The following WASHC4 variants were observed in gnomAD, a reference collection of about 807,000 sequenced individuals.
WASHC4 encodes WASH complex subunit 4, also known as WASH complex subunit 7.
Under a neutral mutation model 166.6 loss-of-function variants are expected in WASHC4, and 86 were observed. The observed-to-expected ratio is 0.52, with a 90% confidence interval of 0.43 to 0.62. WASHC4 has a LOEUF of 0.62. Ranked by LOEUF, WASHC4 falls within the 20% of genes least tolerant of loss-of-function variation. The probability of loss-of-function intolerance (pLI) is 0.00; values close to 1 mark genes in which losing one functional copy is unlikely to be tolerated. For synonymous variants in WASHC4, 446 were observed against 451.6 expected (o/e 0.99, Z 0.16); for missense variants, 1,262 against 1,382.4 (o/e 0.91, Z 1.38).
intron 13 of WASHC4, among the ~76,000 whole-genome samples, chr12:105,133,225 A>G (rs920114527): frequency 5.9e-5 from 9 of 151,882 alleles, no homozygotes; most frequent in African/African-American, 2.2e-4. Context: ...TTTTGTTATT[A>G]CCTGAACAAG....
chr12:105,123,730 A>G (rs981480906), intron 10 of WASHC4, among the ~76,000 whole-genome samples: 6 of 152,258 alleles, frequency 3.9e-5, no homozygotes, highest in Non-Finnish European at 8.8e-5. Context: ...TCTGGCTAAA[A>G]TCACTGATAG....
intron 25 of WASHC4, among the ~76,000 whole-genome samples, chr12:105,150,984 G>A (rs1476022447): frequency 1.3e-5 from 2 of 151,562 alleles, no homozygotes; most frequent in Non-Finnish European, 2.9e-5. Context: ...GGACATGTGG[G>A]GATTATGGGA....
intron 17 of WASHC4, 51 bp from the exon 18 acceptor site, chr12:105,141,116 C>G: frequency 1.9e-6 from 3 of 1,609,366 alleles, no homozygotes; most frequent in Non-Finnish European, 2.6e-6. Flanking sequence ...GTTACTGACC[C>G]TAGAAACCTT....
chr12:105,156,013 G>T (rs1315685574), intron 26 of WASHC4, among the ~76,000 whole-genome samples: 3 of 152,198 alleles, frequency 2.0e-5, no homozygotes, highest in African/African-American at 7.2e-5. Context: ...TGATGGATTG[G>T]ATAGGAGGAT....
chr12:105,151,577 G>A (rs1883780984), intron 25 of WASHC4, among the ~76,000 whole-genome samples: 1 of 151,988 alleles, frequency 6.6e-6, no homozygotes, highest in Non-Finnish European at 1.5e-5. Context: ...CGCCTCTTGG[G>A]TTCAAGCGAT....
intron 13 of WASHC4, among the ~76,000 whole-genome samples, chr12:105,132,694 C>T (rs1374499037): frequency 3.3e-5 from 5 of 151,988 alleles, no homozygotes; most frequent in African/African-American, 9.7e-5. Context: ...TATGATCTTG[C>T]TGCCTACTTA....
At chr12:105,117,771 T>C (rs1483798027) in intron 6 of WASHC4, among the ~76,000 whole-genome samples, 1 of 152,224 alleles carries the variant, frequency 6.6e-6, no homozygotes, top group Non-Finnish European at 1.5e-5. Flanking sequence ...ATAGTTTTAA[T>C]TAGGTTTTAA....
At chr12:105,161,140 T>C (rs913271586) in intron 29 of WASHC4, among the ~76,000 whole-genome samples, 5 of 152,170 alleles carry the variant, frequency 3.3e-5, no homozygotes, top group African/African-American at 9.7e-5. Flanking sequence ...AAGCTCTTTA[T>C]TATATTTAAT....
chr12:105,141,979 G>C (rs1882895314), intron 18 of WASHC4, among the ~76,000 whole-genome samples: 1 of 139,900 alleles, frequency 7.1e-6, no homozygotes, highest in African/African-American at 2.9e-5. Context: ...TTGTAGACAT[G>C]TTAAGTGTGG....
intron 15 of WASHC4, among the ~76,000 whole-genome samples, chr12:105,139,425 G>GTGTGTGTATATATATATATATATATATA: frequency 1.9e-5 from 2 of 103,222 alleles, no homozygotes; most frequent in African/African-American, 7.1e-5. Flanking sequence ...ATGTGTGTGT[G>GTGTGTGTATATATATATATATATATATA]TATATATATA....
chr12:105,114,511 A>G (rs948286547), intron 4 of WASHC4, 84 bp downstream of exon 4: 1 of 878,096 alleles, frequency 1.1e-6, no homozygotes, highest in Non-Finnish European at 1.8e-6. Flanking sequence ...GTGTGCAATA[A>G]ATATTTATTG....
intron 24 of WASHC4, 35 bp downstream of exon 24, chr12:105,147,181 A>T (rs769781410): frequency 8.5e-7 from 1 of 1,176,678 alleles, no homozygotes; most frequent in South Asian, 1.2e-5. Flanking sequence ...AGTGGGTAAT[A>T]GACCCGTTTA....
At chr12:105,147,903 C>T in intron 24 of WASHC4, 9 of 889,102 alleles carry the variant, frequency 1.0e-5, no homozygotes, top group Non-Finnish European at 1.2e-5. Flanking sequence ...GAAACTCCAT[C>T]TCAAAAAAAA....
intron 1 of WASHC4, among the ~76,000 whole-genome samples, chr12:105,109,701 CCGTGGCAT>C (rs1450886907): frequency 1.4e-5 from 2 of 142,070 alleles, no homozygotes; most frequent in African/African-American, 5.4e-5. Context: ...TCGCCCAGTG[CCGTGGCAT>C]CGCCACGGCT....
intron 5 of WASHC4, 68 bp downstream of exon 5, chr12:105,115,297 T>C (rs1880073216): frequency 1.1e-6 from 1 of 946,870 alleles, no homozygotes; most frequent in East Asian, 2.4e-5. Flanking sequence ...AACAGACAAT[T>C]TTAGGACTAC....
In WASHC4 at chr12:105,168,474, A is replaced by G. The variant is rs1884922045; in HGVS notation, c.*1543A>G. On this transcript the variant is annotated 3_prime_UTR_variant, in exon 33 of 33. Coordinates refer to ENST00000332180, the MANE Select transcript of WASHC4 (RefSeq NM_015275.3). Reference sequence around the variant, plus strand: ...TATTAATGATCTTGCATTTGATTATATCAAATTCGTCATTTCATAGCAACA... The same window carrying G: ...TATTAATGATCTTGCATTTGATTATGTCAAATTCGTCATTTCATAGCAACA... 1 of 152,444 alleles carries G rather than the reference A, an allele frequency of 6.6e-6. No homozygotes were observed. Among genetic ancestry groups the G allele is most frequent in the South Asian group, 2.1e-4 (1 of 4,834 alleles). The allele number at this position is 152,444 out of a possible 1,614,324, so 9.4% of individuals were successfully genotyped here. A position where few individuals can be genotyped will look rare whatever the true frequency, so the allele number is the denominator to read the frequency against.
chr12:105,148,128 T>A, intron 24 of WASHC4: 1 of 985,246 alleles, frequency 1.0e-6, no homozygotes. Context: ...GAAAGTTAAG[T>A]TGGGATCATT....
Position 105,144,853 on chromosome 12 carries a change from C to A in WASHC4, c.2315C>A (p.Pro772His). ...YGLVMTEAHL[P>H]SQTLEQGLDV... ...CTGGTTATGACAGAGGCACATCTTC[C>A]CAGTCAGACTTTGGAACAGGTATAG... The change falls in exon 22 of 33, where the codon CCC becomes CAC. Residue 772 changes from proline to histidine, a missense_variant. Coordinates refer to ENST00000332180, the MANE Select transcript of WASHC4 (RefSeq NM_015275.3). 1 of 1,613,034 alleles carries A rather than the reference C, an allele frequency of 6.2e-7. No homozygotes were observed. The highest frequency in any genetic ancestry group is 8.5e-7 in the Non-Finnish European group (1 of 1,179,404).
In WASHC4 at chr12:105,143,248, C is replaced by T. The variant is rs762136917; in HGVS notation, c.2010+5C>T. 8 of 1,427,604 alleles carry T rather than the reference C, an allele frequency of 5.6e-6. No homozygotes were observed. Among genetic ancestry groups the T allele is most frequent in the South Asian group, 3.4e-5 (3 of 87,164 alleles). The allele number at this position is 1,427,604 out of a possible 1,614,324, so 88.4% of individuals were successfully genotyped here. On this transcript the variant is annotated splice_donor_5th_base_variant and intron_variant, in intron 20 of 32. Coordinates refer to ENST00000332180, the MANE Select transcript of WASHC4 (RefSeq NM_015275.3). ...ATTATGGAAATTTTAAATGAGGTAA[C>T]ATCATATTTGAGATTGAAAAGCTTA...
Sources: allele counts gnomAD v4.1 joint callset (sites outside exome capture counted in the v4.1 genomes callset), GRCh38; gene constraint gnomAD v4.1.1; transcripts MANE v1.5; gene names NCBI Gene and HGNC (gene_info 2026-07-23, HGNC 2026-07-21).